Variants in XRRA1 observed in about 807,000 individuals in gnomAD.
XRRA1 encodes the protein X-ray radiation resistance associated 1.
A neutral mutation model predicts 80.2 loss-of-function variants in XRRA1; 69 were observed. The ratio of observed to expected loss-of-function variants is 0.86; its 90% CI spans 0.71 to 1.05. The LOEUF is 1.05. Ranked by LOEUF, XRRA1 falls within the 50% of genes least tolerant of loss-of-function variation. The probability of loss-of-function intolerance (pLI) is 0.00; values close to 1 mark genes in which losing one functional copy is unlikely to be tolerated. For synonymous variants in XRRA1, 348 were observed against 389.9 expected, an observed-to-expected ratio of 0.89 and a Z score of 1.27; for missense variants, 967 against 976.4, an observed-to-expected ratio of 0.99 and a Z score of 0.13.
rs192752782 is a variant in XRRA1 at position 74,905,540 on chromosome 11, T to C, written c.1003+699A>G. Among the ~76,000 whole-genome samples, 15 of 152,352 alleles carry C rather than the reference T, an allele frequency of 9.8e-5. No homozygotes were observed. The East Asian group carries it at 2.5e-3, about 25-fold the overall frequency. Reference sequence around the variant, plus strand: ...GAGGAAAAAGGGGCTTATCTCTTCCTATCTGCTTCCCATGGGTTTCCTAAC... The same window carrying C: ...GAGGAAAAAGGGGCTTATCTCTTCCCATCTGCTTCCCATGGGTTTCCTAAC... On this transcript the variant is annotated intron_variant, in intron 10 of 18. Coordinates refer to ENST00000684022, the MANE Select transcript of XRRA1 (RefSeq NM_001378157.1).
intron 10 of XRRA1, among the ~76,000 whole-genome samples, chr11:74,871,955 T>C (rs756487241): frequency 9.2e-5 from 14 of 152,090 alleles, no homozygotes; most frequent in East Asian, 3.8e-4. Flanking sequence ...TCAGAGAAAT[T>C]TGGAGACAAG....
At chr11:74,947,541 A>T (rs1445152776) in intron 1 of XRRA1, among the ~76,000 whole-genome samples, 1 of 152,090 alleles carries the variant, frequency 6.6e-6, no homozygotes, top group Non-Finnish European at 1.5e-5. Context: ...CTGTCTCAAA[A>T]AATAAAAAAT....
At chr11:74,884,881 A>G (rs2048647118) in intron 10 of XRRA1, among the ~76,000 whole-genome samples, 1 of 152,256 alleles carries the variant, frequency 6.6e-6, no homozygotes, top group Admixed American at 6.5e-5. Context: ...TAAAGAAACA[A>G]GAGGAAACCA....
chr11:74,888,048 C>T (rs531896299), intron 10 of XRRA1, among the ~76,000 whole-genome samples: 13 of 152,262 alleles, frequency 8.5e-5, no homozygotes, highest in South Asian at 4.1e-4. Context: ...CTTAAATGTC[C>T]GTGTCTGACA....
intron 10 of XRRA1, among the ~76,000 whole-genome samples, chr11:74,895,760 T>C (rs1007778809): frequency 6.6e-6 from 1 of 152,196 alleles, no homozygotes. Flanking sequence ...CTGGGAAGAC[T>C]TGTGAGGCCT....
chr11:74,883,767 C>T (rs905399121), intron 10 of XRRA1, among the ~76,000 whole-genome samples: 2 of 152,164 alleles, frequency 1.3e-5, no homozygotes, highest in African/African-American at 4.8e-5. Context: ...TCCTCCAATA[C>T]CCCTACCAGC....
chr11:74,869,053 C>T (rs983850902), intron 10 of XRRA1, among the ~76,000 whole-genome samples: 6 of 152,128 alleles, frequency 3.9e-5, no homozygotes, highest in Admixed American at 1.3e-4. Context: ...ACATTCTTCT[C>T]AGCTGCACAT....
chr11:74,934,405 T>C lies in XRRA1; in HGVS notation c.280-533A>G, dbSNP rs1219204564. Reference sequence around the variant, plus strand: ...CACCATGTTTAGGCACTGAAAGGCATTGGGAAGACAATGAAGAAAAAGCAG... The same window carrying C: ...CACCATGTTTAGGCACTGAAAGGCACTGGGAAGACAATGAAGAAAAAGCAG... On this transcript the variant is annotated intron_variant, in intron 4 of 18. Coordinates refer to ENST00000684022, the MANE Select transcript of XRRA1 (RefSeq NM_001378157.1). Among the ~76,000 whole-genome samples the C allele has an allele frequency of 2.6e-5, 4 of 152,218 alleles. No individual in the cohort carries two copies. The East Asian group carries it at 5.8e-4, about 22-fold the overall frequency.
chr11:74,852,070 C>T lies in XRRA1; in HGVS notation c.1183G>A (p.Asp395Asn). Residue 395 changes from aspartate (D) to asparagine (N), a missense_variant, in exon 13 of 19, where the codon GAT (aspartate) becomes AAT (asparagine). Transcript: ENST00000684022. ...SLAYNKIAKEDAVLPVALFPS... is the reference protein window; with the variant it reads ...SLAYNKIAKENAVLPVALFPS... Reference sequence around the variant, plus strand: ...AAGAGAGCTACTGGTAGGACAGCATCCTCTTTTGCGATCTGTAATGAATGC... The same window carrying T: ...AAGAGAGCTACTGGTAGGACAGCATTCTCTTTTGCGATCTGTAATGAATGC... 1 of 1,613,872 alleles carries T rather than the reference C, an allele frequency of 6.2e-7. No individual in the cohort carries two copies. The highest frequency in any genetic ancestry group is 8.5e-7 in the Non-Finnish European group (1 of 1,179,798).
At chr11:74,895,098 A>G (rs1335896742) in intron 10 of XRRA1, among the ~76,000 whole-genome samples, 1 of 152,236 alleles carries the variant, frequency 6.6e-6, no homozygotes, top group African/African-American at 2.4e-5. Context: ...CACAAGAACA[A>G]AAACGCAGGT....
At position 74,868,609 on chromosome 11, in the gene XRRA1, G is replaced by T. The variant is rs141620835; in HGVS notation, c.1004-5588C>A. Among the ~76,000 whole-genome samples, 796 of 152,198 alleles carry T rather than the reference G, an allele frequency of 5.2e-3. 7 individuals are homozygous for T. Among genetic ancestry groups the T allele is most frequent in the African/African-American group, 0.018 (757 of 41,534 alleles). On this transcript the variant is annotated intron_variant, in intron 10 of 18. Transcript: ENST00000684022. Reference sequence around the variant, plus strand: ...TGTCTTCAAGAGACCCATCTCACATGTGATGACACCCATAGGCTGAAAGCA... The same window carrying T: ...TGTCTTCAAGAGACCCATCTCACATTTGATGACACCCATAGGCTGAAAGCA...
At chr11:74,874,233 C>CAAAAAAAAAAAA (rs367875228) in intron 10 of XRRA1, among the ~76,000 whole-genome samples, 2 of 48,310 alleles carry the variant, frequency 4.1e-5, no homozygotes, top group Non-Finnish European at 7.3e-5. Flanking sequence ...GACTCCGTCT[C>CAAAAAAAAAAAA]AAAAAAAAAA....
Position 74,843,277 on chromosome 11 carries a change from G to C in XRRA1, c.2326C>G (p.Gln776Glu). 1 of 1,585,832 alleles carries C rather than the reference G, an allele frequency of 6.3e-7. No homozygotes were observed. Among genetic ancestry groups the C allele is most frequent in the Non-Finnish European group, 8.6e-7 (1 of 1,166,376 alleles). The change falls in exon 19 of 19, where the codon CAG becomes GAG. Residue 776 changes from glutamine to glutamate, a missense_variant. Transcript: ENST00000684022. ...PMACPALSES[Q>E]PKFGHFLEFM... Reference sequence around the variant, plus strand: ...TCGAGGAAGTGGCCGAACTTGGGCTGGCTCTCACTCAGCGCTGGGCAGGCC... The same window carrying C: ...TCGAGGAAGTGGCCGAACTTGGGCTCGCTCTCACTCAGCGCTGGGCAGGCC...
chr11:74,890,912 T>C (rs895469563), intron 10 of XRRA1, among the ~76,000 whole-genome samples: 60 of 152,186 alleles, frequency 3.9e-4, no homozygotes, highest in African/African-American at 1.3e-3. Context: ...CAATAATTAA[T>C]AGCTTACCAA....
At chr11:74,921,379 A>G in intron 7 of XRRA1, 32 bp from the exon 8 acceptor site, 1 of 1,612,818 alleles carries the variant, frequency 6.2e-7, no homozygotes, top group Non-Finnish European at 8.5e-7. Flanking sequence ...TGGGGAAGGT[A>G]AGCACTCTGT....
In XRRA1 at chr11:74,848,135, C is replaced by CT; in HGVS notation, c.1707dup (p.Glu570ArgfsTer10). On this transcript the variant is annotated frameshift_variant, in exon 15 of 19. Coordinates refer to ENST00000684022, the MANE Select transcript of XRRA1 (RefSeq NM_001378157.1). LOFTEE classifies it high-confidence loss of function. ...GGTACCTGGGTCAGGAAGATGGACT[C>CT]TGTGCTCTTGGAGTCCTCATCTGAT... is the stretch of plus-strand genomic sequence containing the variant. The CT allele has an allele frequency of 6.2e-7, 1 of 1,611,160 alleles. No individual in the cohort carries two copies. Among genetic ancestry groups the CT allele is most frequent in the Non-Finnish European group, 8.5e-7 (1 of 1,179,666 alleles).
chr11:74,882,065 A>G (rs1409632962), intron 10 of XRRA1, among the ~76,000 whole-genome samples: 5 of 148,706 alleles, frequency 3.4e-5, no homozygotes, highest in African/African-American at 9.9e-5. Context: ...GCCTTGCTAG[A>G]TTGGGGAAGT....
chr11:74,888,022 C>T (rs1007136807), intron 10 of XRRA1, among the ~76,000 whole-genome samples: 1 of 152,196 alleles, frequency 6.6e-6, no homozygotes, highest in Non-Finnish European at 1.5e-5. Context: ...CAAAAGGCAG[C>T]AGAATCCTCC....
intron 15 of XRRA1, chr11:74,846,276 C>T (rs1283895069): frequency 6.6e-6 from 1 of 151,850 alleles, no homozygotes; most frequent in Non-Finnish European, 1.5e-5. Flanking sequence ...TATATATGAC[C>T]TATAACAAGC....
Sources: allele counts gnomAD v4.1 joint callset (sites outside exome capture counted in the v4.1 genomes callset), GRCh38; gene constraint gnomAD v4.1.1; transcripts MANE v1.5; gene names NCBI Gene and HGNC (gene_info 2026-07-23, HGNC 2026-07-21).